Variants in KCNQ1 observed in about 807,000 individuals in gnomAD.
The protein encoded by KCNQ1 is potassium voltage-gated channel subfamily Q member 1.
In KCNQ1, 49 loss-of-function variants were observed where a neutral mutation model predicts 72.4. The observed-to-expected ratio is 0.68, with a 90% CI of 0.54 to 0.86. The LOEUF (loss-of-function observed/expected upper bound fraction) is 0.86. Among genes scored for constraint, KCNQ1 ranks in the 40% least tolerant of loss-of-function variants. The pLI is 0.00. For synonymous variants in KCNQ1, 450 were observed against 412.6 expected, an observed-to-expected ratio of 1.09 and a Z score of -1.10; for missense variants, 790 against 945.1, an observed-to-expected ratio of 0.84 and a Z score of 2.15.
Position 2,710,036 on chromosome 11 carries a change from C to T in KCNQ1, c.1514+47955C>T, listed in dbSNP as rs1193375467. On this transcript the variant is annotated intron_variant, in intron 11 of 15. Coordinates refer to ENST00000155840, the MANE Select transcript of KCNQ1 (RefSeq NM_000218.3). The surrounding 1 kb of genome is among the most constrained non-coding windows in gnomAD (Gnocchi z 4.1). ...GAAACGCTGGGTCATATGGTGACTC[C>T]ATATTTAACCTTTTGAGGATCTGCC... Among the ~76,000 whole-genome samples the T allele has an allele frequency of 6.6e-6, 1 of 152,136 alleles. No homozygotes were observed. The highest frequency in any genetic ancestry group is 1.5e-5 in the Non-Finnish European group (1 of 68,030).
rs1197298465 is a variant in KCNQ1, at chr11:2,624,205, TC to T, written c.1393+35352del. On this transcript the variant is annotated intron_variant, in intron 10 of 15. Transcript: ENST00000155840. The surrounding 1 kb of genome is among the most constrained non-coding windows in gnomAD (Gnocchi z 4.9). ...CATCTTTTCATATACTTAGTTGCCA[TC>T]TGTATATCTTCATTGGTGAGATGTC... 2.5e-6 allele frequency: 1 copy of T among 398,522 alleles called. No individual in the cohort carries two copies. Among genetic ancestry groups the T allele is most frequent in the Non-Finnish European group, 4.4e-6 (1 of 226,068 alleles). 24.7% of individuals were successfully genotyped at this position (398,522 alleles called of 1,614,324 possible). A position where few individuals can be genotyped will look rare whatever the true frequency, so the allele number is the denominator to read the frequency against.
intron 10 of KCNQ1, chr11:2,610,814 T>A (rs1848969077): frequency 3.0e-6 from 1 of 337,334 alleles, no homozygotes; most frequent in Non-Finnish European, 5.2e-6. Flanking sequence ...AAAAGTCAGC[T>A]CCACATTTGT....
chr11:2,705,299 G>A (rs957201167), intron 11 of KCNQ1, among the ~76,000 whole-genome samples: 2 of 152,190 alleles, frequency 1.3e-5, no homozygotes, highest in Admixed American at 6.5e-5. Context: ...GTGGCAGCAC[G>A]GGGTGTGGGC....
rs182151178 is a variant in KCNQ1, at chr11:2,565,337, G to A, written c.478-5291G>A. On this transcript the variant is annotated intron_variant, in intron 2 of 15. Transcript: ENST00000155840. The surrounding 1 kb of genome is among the most constrained non-coding windows in gnomAD (Gnocchi z 5.6). ...CCTAATGGATGAGAGGTGGCATCTC[G>A]TTGTGGTCTTGATTTGCATTTCCCT... Among the ~76,000 whole-genome samples, 69 of 152,242 alleles carry A rather than the reference G, an allele frequency of 4.5e-4. No homozygotes were observed. Among genetic ancestry groups the A allele is most frequent in the African/African-American group, 1.1e-3 (45 of 41,536 alleles).
chr11:2,542,853 C>T (rs1847850997), intron 2 of KCNQ1, among the ~76,000 whole-genome samples: 1 of 152,186 alleles, frequency 6.6e-6, no homozygotes, highest in Non-Finnish European at 1.5e-5. Context: ...CTGGCGGACT[C>T]TGTATAAAAG....
In KCNQ1 at chr11:2,626,356, C is replaced by T. The variant is rs574005433; in HGVS notation, c.1394-35605C>T. The T allele has an allele frequency of 4.5e-5, 18 of 398,532 alleles. No individual in the cohort carries two copies. The highest frequency in any genetic ancestry group is 6.6e-5 in the Non-Finnish European group (15 of 226,074). 24.7% of individuals were successfully genotyped at this position (398,532 alleles called of 1,614,324 possible). ...GGTCTCAACTTCAGTTATCCTGGCACCATTTGTTGAAAATACAGCACTTTC... is the reference window on the plus strand; with the variant it reads ...GGTCTCAACTTCAGTTATCCTGGCATCATTTGTTGAAAATACAGCACTTTC... On this transcript the variant is annotated intron_variant, in intron 10 of 15. Coordinates refer to ENST00000155840, the MANE Select transcript of KCNQ1 (RefSeq NM_000218.3). This position sits in a 1 kb window ranked among gnomAD's most constrained non-coding sequence, Gnocchi z 4.0.
chr11:2,555,158 C>T (rs1848050194), intron 2 of KCNQ1, among the ~76,000 whole-genome samples: 2 of 152,236 alleles, frequency 1.3e-5, no homozygotes, highest in South Asian at 2.1e-4. Flanking sequence ...CTTCTCAGCA[C>T]TCTCCCCAAG....
At chr11:2,812,784 C>T (rs905460157) in intron 15 of KCNQ1, among the ~76,000 whole-genome samples, 5 of 152,266 alleles carry the variant, frequency 3.3e-5, no homozygotes, top group African/African-American at 9.6e-5. Flanking sequence ...GGGCCCCATG[C>T]CTGCCCTTGC....
intron 15 of KCNQ1, among the ~76,000 whole-genome samples, chr11:2,780,508 C>T (rs974746812): frequency 2.6e-5 from 4 of 152,216 alleles, no homozygotes; most frequent in Non-Finnish European, 4.4e-5. Flanking sequence ...CACCCTCCCC[C>T]ACCTCATCCC....
intron 11 of KCNQ1, among the ~76,000 whole-genome samples, chr11:2,739,332 G>A (rs1042645473): frequency 6.6e-6 from 1 of 152,178 alleles, no homozygotes; most frequent in Non-Finnish European, 1.5e-5. Context: ...TGGCAGGCCC[G>A]AGATTGCCTG....
intron 6 of KCNQ1, among the ~76,000 whole-genome samples, chr11:2,576,936 T>C (rs548560524): frequency 1.3e-5 from 2 of 152,304 alleles, no homozygotes; most frequent in East Asian, 3.9e-4. Flanking sequence ...GCTGCCCTAC[T>C]GAGTGGGCCT....
In KCNQ1 at chr11:2,781,066, G is replaced by T. The variant is rs1846814772; in HGVS notation, c.1794+3029G>T. ...CCTCCTCACAGCGAGTCTACTTCCTGCGGGCCTCCCTCCCCTGTCAAATGA... is the reference window on the plus strand; with the variant it reads ...CCTCCTCACAGCGAGTCTACTTCCTTCGGGCCTCCCTCCCCTGTCAAATGA... On this transcript the variant is annotated intron_variant, in intron 15 of 15. Transcript: ENST00000155840. This position sits in a 1 kb window ranked among gnomAD's most constrained non-coding sequence, Gnocchi z 6.6. 2.6e-5 allele frequency among the ~76,000 whole-genome samples: 4 copies of T among 152,072 alleles called. No individual in the cohort carries two copies. The South Asian group carries it at 8.3e-4, about 32-fold the overall frequency.
rs202140659 is a variant in KCNQ1, at chr11:2,765,235, C to T, written c.1515-3609C>T. On this transcript the variant is annotated intron_variant, in intron 11 of 15. Transcript: ENST00000155840. ...TTAATTTAAACTGTTGTTTGATTCTCATTATATATTTTTCTTTGACCCCTG... is the reference window on the plus strand; with the variant it reads ...TTAATTTAAACTGTTGTTTGATTCTTATTATATATTTTTCTTTGACCCCTG... Among the ~76,000 whole-genome samples the T allele has an allele frequency of 2.2e-4, 33 of 152,250 alleles. No individual in the cohort carries two copies. In the East Asian group the frequency reaches 5.6e-3, roughly 26 times the overall value.
Position 2,679,641 on chromosome 11 carries a change from AG to A in KCNQ1, c.1514+17561del. The stretch of plus-strand genomic sequence containing the variant: ...TAGTATCAGCATCAGAAAAAATACA[AG>A]TGCATCCTCATAAGATTATTTAGGA... On this transcript the variant is annotated intron_variant, in intron 11 of 15. Transcript: ENST00000155840. This position sits in a 1 kb window ranked among gnomAD's most constrained non-coding sequence, Gnocchi z 4.8. 2.5e-6 allele frequency: 1 copy of A among 398,618 alleles called. No individual in the cohort carries two copies. The highest frequency in any genetic ancestry group is 4.4e-6 in the Non-Finnish European group (1 of 226,062). The allele number at this position is 398,618 out of a possible 1,614,324, so 24.7% of individuals were successfully genotyped here.
At chr11:2,470,881 T>G (rs1846441217) in intron 1 of KCNQ1, among the ~76,000 whole-genome samples, 1 of 152,130 alleles carries the variant, frequency 6.6e-6, no homozygotes, top group Admixed American at 6.5e-5. Flanking sequence ...CCTTATGGAT[T>G]GTGTTTTTTG....
rs145839955 is a variant in KCNQ1, at chr11:2,818,559, C to T, written c.1795-29208C>T. Reference sequence around the variant, plus strand: ...CTAGAAACCCCTCTCCACCAGATGCCTTACACCCCCCATCCCCACACGCAC... The same window carrying T: ...CTAGAAACCCCTCTCCACCAGATGCTTTACACCCCCCATCCCCACACGCAC... On this transcript the variant is annotated intron_variant, in intron 15 of 15. Transcript: ENST00000155840. The surrounding 1 kb of genome is among the most constrained non-coding windows in gnomAD (Gnocchi z 7.2). Among the ~76,000 whole-genome samples the T allele has an allele frequency of 5.9e-3, 897 of 152,284 alleles. 7 individuals carry two copies. The highest frequency in any genetic ancestry group is 0.022 in the South Asian group (104 of 4,826).
chr11:2,624,306 A>G lies in KCNQ1; in HGVS notation c.1393+35452A>G. 2.5e-6 allele frequency: 1 copy of G among 398,490 alleles called. No homozygotes were observed. Among genetic ancestry groups the G allele is most frequent in the African/African-American group, 2.1e-5 (1 of 48,738 alleles). 24.7% of individuals were successfully genotyped at this position (398,490 alleles called of 1,614,324 possible). A position where few individuals can be genotyped will look rare whatever the true frequency, so the allele number is the denominator to read the frequency against. ...GTTATGTTTTTAAGGTTCTTTATAT[A>G]TTTTGGATGAGTCCTTTATCAGGTA... On this transcript the variant is annotated intron_variant, in intron 10 of 15. Coordinates refer to ENST00000155840, the MANE Select transcript of KCNQ1 (RefSeq NM_000218.3). The surrounding 1 kb of genome is among the most constrained non-coding windows in gnomAD (Gnocchi z 4.9).
At chr11:2,552,149 T>G (rs1178638595) in intron 2 of KCNQ1, among the ~76,000 whole-genome samples, 2 of 152,188 alleles carry the variant, frequency 1.3e-5, no homozygotes, top group East Asian at 3.8e-4. Context: ...TCATGTTCTT[T>G]GTGTTCTGTC....
At chr11:2,644,689 T>C (rs1470224194) in intron 10 of KCNQ1, 1 of 398,632 alleles carries the variant, frequency 2.5e-6, no homozygotes, top group East Asian at 3.6e-5. Flanking sequence ...AATTTTTTGA[T>C]CTGTCTTTCC....
Sources: gnomAD v4.1 joint callset for allele counts (sites outside exome capture counted in the v4.1 genomes callset) on GRCh38, gnomAD v4.1.1 for gene constraint, Gnocchi (gnomAD v3.1) non-coding constraint, MANE v1.5 for transcripts, NCBI Gene and HGNC (gene_info 2026-07-23, HGNC 2026-07-21) for gene names.